TRHDE: variants seen among roughly 807,000 people sequenced by gnomAD.
TRHDE encodes thyrotropin releasing hormone degrading enzyme.
A neutral mutation model predicts 125.7 loss-of-function variants in TRHDE; 72 were observed. The observed-to-expected ratio is 0.57, with a 90% CI of 0.47 to 0.70. The LOEUF (loss-of-function observed/expected upper bound fraction) is 0.70. Among genes scored for constraint, TRHDE ranks in the 30% least tolerant of loss-of-function variants. The pLI is 0.00. For synonymous variants in TRHDE, 509 were observed against 509.1 expected, an observed-to-expected ratio of 1.00 and a Z score of 0.00; for missense variants, 1,110 against 1,327.1, an observed-to-expected ratio of 0.84 and a Z score of 2.54.
At chr12:72,105,219 C>T (rs988844098) in intron 1 of TRHDE, among the ~76,000 whole-genome samples, 1 of 152,118 alleles carries the variant, frequency 6.6e-6, no homozygotes, top group African/African-American at 2.4e-5. Flanking sequence ...GAACAGTCTG[C>T]ATTAAAGCTG....
intron 2 of TRHDE, among the ~76,000 whole-genome samples, chr12:72,357,841 A>G (rs527341611): frequency 6.6e-6 from 1 of 151,698 alleles, no homozygotes; most frequent in East Asian, 1.9e-4. Context: ...CCTTAAATAT[A>G]TACAATAAAA....
intron 2 of TRHDE, among the ~76,000 whole-genome samples, chr12:72,141,834 G>T (rs1876117611): frequency 6.6e-6 from 1 of 152,170 alleles, no homozygotes; most frequent in African/African-American, 2.4e-5. Flanking sequence ...CTTGCCTGGG[G>T]CAGGAGAGGG....
intron 2 of TRHDE, among the ~76,000 whole-genome samples, chr12:72,351,369 A>G (rs1429697713): frequency 6.6e-6 from 1 of 151,964 alleles, no homozygotes; most frequent in Non-Finnish European, 1.5e-5. Context: ...TGCAGAAACT[A>G]TTTCTCTGAT....
At chr12:72,236,258 A>T (rs1046793423) in intron 2 of TRHDE, among the ~76,000 whole-genome samples, 3 of 152,244 alleles carry the variant, frequency 2.0e-5, no homozygotes, top group African/African-American at 7.2e-5. Flanking sequence ...CAGCTATACT[A>T]TGAAAACAAG....
intron 2 of TRHDE, chr12:72,257,170 G>A (rs1878838123): frequency 6.6e-6 from 1 of 152,060 alleles, no homozygotes; most frequent in South Asian, 2.1e-4. Context: ...AATACAGGTT[G>A]AACATCCTTA....
intron 12 of TRHDE, among the ~76,000 whole-genome samples, chr12:72,614,907 A>G (rs149571226): frequency 1.5e-3 from 235 of 152,276 alleles, no homozygotes; most frequent in African/African-American, 5.3e-3. Flanking sequence ...ATCAGCTAAC[A>G]TAGTCTGGTT....
intron 1 of TRHDE, among the ~76,000 whole-genome samples, chr12:72,103,117 C>G (rs916613096): frequency 5.9e-5 from 9 of 152,190 alleles, no homozygotes; most frequent in African/African-American, 2.2e-4. Context: ...GAGTCAGCGT[C>G]CCAGAGAGCC....
intron 3 of TRHDE, among the ~76,000 whole-genome samples, chr12:72,422,934 G>A (rs560920455): frequency 1.2e-4 from 19 of 152,124 alleles, no homozygotes; most frequent in African/African-American, 4.6e-4. Flanking sequence ...GGACTCCCCA[G>A]CCTCCAGAAC....
At chr12:72,298,286 G>C (rs1275055088) in intron 2 of TRHDE, among the ~76,000 whole-genome samples, 1 of 152,162 alleles carries the variant, frequency 6.6e-6, no homozygotes, top group Non-Finnish European at 1.5e-5. Context: ...CTTCAGTAGA[G>C]AGGAAGGAGA....
chr12:72,578,984 G>GT (rs3081947), intron 12 of TRHDE, among the ~76,000 whole-genome samples: 8,021 of 135,858 alleles, frequency 0.059, 303 homozygotes, highest in Middle Eastern at 0.12. Flanking sequence ...ACTGTTTAGT[G>GT]TTTTTTTTTT....
At chr12:72,292,495 C>T (rs1442771926) in intron 2 of TRHDE, among the ~76,000 whole-genome samples, 1 of 152,184 alleles carries the variant, frequency 6.6e-6, no homozygotes, top group Non-Finnish European at 1.5e-5. Flanking sequence ...AGCCAGGTGG[C>T]ACTTTGAGTG....
rs138985219 is a variant in TRHDE, at chr12:72,110,109, C to T, written n.279+4357C>T. On this transcript the variant is annotated intron_variant and non_coding_transcript_variant, in intron 2 of 4. Coordinates refer to the TRHDE transcript ENST00000548156. Reference sequence around the variant, plus strand: ...TTAATAAGAGAAAATGGGACACTATCACTGGGAATCTGCAAGTTTAAGATG... The same window carrying T: ...TTAATAAGAGAAAATGGGACACTATTACTGGGAATCTGCAAGTTTAAGATG... Among the ~76,000 whole-genome samples, 446 of 152,198 alleles carry T rather than the reference C, an allele frequency of 2.9e-3. 1 individual carries two copies. The highest frequency in any genetic ancestry group is 6.8e-3 in the Middle Eastern group (2 of 294).
At chr12:72,522,913 C>T (rs1032639609) in intron 6 of TRHDE, among the ~76,000 whole-genome samples, 8 of 152,202 alleles carry the variant, frequency 5.3e-5, no homozygotes, top group Non-Finnish European at 1.2e-4. Context: ...GTCTGACGGA[C>T]CATTGATCTG....
At chr12:72,519,768 T>C (rs1332716997) in intron 6 of TRHDE, among the ~76,000 whole-genome samples, 4 of 152,160 alleles carry the variant, frequency 2.6e-5, no homozygotes, top group Admixed American at 2.0e-4. Flanking sequence ...TCCCCATCTT[T>C]GTGGTTTTAT....
rs1439378470 is a variant in TRHDE at position 72,198,091 on chromosome 12, T to C, written n.279+92339T>C. On this transcript the variant is annotated intron_variant and non_coding_transcript_variant, in intron 2 of 4. Transcript: ENST00000548156. ...TGTGACATTTTGTGTCTGGCTTCTT[T>C]CACTTATCATAATGTTTTCAAGATT... 9.2e-5 allele frequency among the ~76,000 whole-genome samples: 14 copies of C among 152,246 alleles called. No homozygotes were observed. In the South Asian group the frequency reaches 2.9e-3, roughly 32 times the overall value.
chr12:72,650,807 CT>C (rs2136108800), intron 15 of TRHDE, among the ~76,000 whole-genome samples: 1 of 152,148 alleles, frequency 6.6e-6, no homozygotes, highest in Admixed American at 6.5e-5. Flanking sequence ...TGTTTTATAG[CT>C]GTTGATTTAA....
chr12:72,616,098 A>G (rs1216023379), intron 12 of TRHDE, among the ~76,000 whole-genome samples: 1 of 152,162 alleles, frequency 6.6e-6, no homozygotes, highest in East Asian at 1.9e-4. Flanking sequence ...GATTTCTGCC[A>G]AAAGGACTCA....
chr12:72,499,988 A>G (rs7311350), intron 6 of TRHDE, among the ~76,000 whole-genome samples: 26,648 of 152,182 alleles, frequency 0.18, 2,786 homozygotes, highest in East Asian at 0.48. Context: ...ATTTTCACCA[A>G]TGCCCTTAAA....
intron 3 of TRHDE, among the ~76,000 whole-genome samples, chr12:72,437,014 A>G (rs1024863524): frequency 2.6e-5 from 4 of 151,976 alleles, no homozygotes; most frequent in South Asian, 2.1e-4. Flanking sequence ...CTAAATACAT[A>G]TATCTATATC....
Sources: allele counts gnomAD v4.1 joint callset (sites outside exome capture counted in the v4.1 genomes callset), GRCh38; gene constraint gnomAD v4.1.1; transcripts MANE v1.5; gene names NCBI Gene and HGNC (gene_info 2026-07-23, HGNC 2026-07-21).